The following CECR2 variants were observed in gnomAD, a reference collection of about 807,000 sequenced individuals.
CECR2 encodes CECR2 histone acetyl-lysine reader, also known as chromatin remodeling regulator CECR2.
Under a neutral mutation model 154.5 loss-of-function variants are expected in CECR2, and 30 were observed. The observed-to-expected ratio is 0.19, with a 90% CI of 0.15 to 0.26. CECR2 has a LOEUF of 0.26. Among genes scored for constraint, CECR2 ranks in the 10% least tolerant of loss-of-function variants. The pLI is 1.00. For missense variants in CECR2, 1,743 were observed against 1,829.3 expected (o/e 0.95, Z 0.86); for synonymous variants, 725 against 683.7 (o/e 1.06, Z -0.94).
intron 4 of CECR2, 56 bp downstream of exon 4, chr22:17,499,605 TA>T (rs2055698479): frequency 6.6e-7 from 1 of 1,504,226 alleles, no homozygotes; most frequent in Non-Finnish European, 8.9e-7. Context: ...TCATTAAGAT[TA>T]AATGCATCAG....
intron 1 of CECR2, among the ~76,000 whole-genome samples, chr22:17,380,770 G>A (rs189600211): frequency 1.3e-5 from 2 of 152,340 alleles, no homozygotes; most frequent in Non-Finnish European, 2.9e-5. Flanking sequence ...CCTGAGAATG[G>A]ATAAGTTCTT....
chr22:17,398,796 G>T (rs2053850556), intron 1 of CECR2, among the ~76,000 whole-genome samples: 1 of 152,178 alleles, frequency 6.6e-6, no homozygotes, highest in South Asian at 2.1e-4. Context: ...ATGTGCCAAG[G>T]ATGGTTAATA....
At chr22:17,536,233 A>G (rs1409807507) in intron 9 of CECR2, among the ~76,000 whole-genome samples, 1 of 152,164 alleles carries the variant, frequency 6.6e-6, no homozygotes, top group East Asian at 1.9e-4. Context: ...GGGCAACAAG[A>G]GCAAAACTCC....
chr22:17,509,176 A>G (rs924744886), intron 7 of CECR2, among the ~76,000 whole-genome samples: 3 of 152,166 alleles, frequency 2.0e-5, no homozygotes, highest in Admixed American at 6.6e-5. Flanking sequence ...GCTTGAACTC[A>G]GGAGGCAGAG....
intron 1 of CECR2, among the ~76,000 whole-genome samples, chr22:17,467,265 G>A (rs1033348311): frequency 6.6e-6 from 1 of 152,152 alleles, no homozygotes; most frequent in Non-Finnish European, 1.5e-5. Flanking sequence ...GTGATGATGG[G>A]CAGCATAATC....
chr22:17,506,209 A>G (rs892740094), intron 7 of CECR2, among the ~76,000 whole-genome samples: 1 of 152,054 alleles, frequency 6.6e-6, no homozygotes, highest in Non-Finnish European at 1.5e-5. Context: ...GTGCAGTCAT[A>G]GCTCACTGCA....
chr22:17,506,387 A>G (rs1180100289), intron 7 of CECR2, among the ~76,000 whole-genome samples: 1 of 152,014 alleles, frequency 6.6e-6, no homozygotes, highest in Non-Finnish European at 1.5e-5. Flanking sequence ...TTGGCCTCCC[A>G]AAGTGCTGGG....
intron 7 of CECR2, among the ~76,000 whole-genome samples, chr22:17,506,295 CT>C (rs1481288346): frequency 6.6e-6 from 1 of 151,558 alleles, no homozygotes; most frequent in African/African-American, 2.4e-5. Context: ...CCTGGCTAAT[CT>C]TTTAATTTTA....
At chr22:17,387,824 T>C (rs2146494700) in intron 1 of CECR2, among the ~76,000 whole-genome samples, 1 of 152,334 alleles carries the variant, frequency 6.6e-6, no homozygotes, top group South Asian at 2.1e-4. Context: ...TCTGTAGTTG[T>C]TTACTATCAT....
chr22:17,419,558 G>A (rs1173634120), intron 1 of CECR2: 1 of 227,902 alleles, frequency 4.4e-6, no homozygotes, highest in Admixed American at 4.6e-5. Flanking sequence ...AGGAGGAGGA[G>A]GAGGAGGAAG....
rs571664178 is a variant in CECR2, at chr22:17,483,605, GA to G, written c.221+5930del. 6.5e-3 allele frequency among the ~76,000 whole-genome samples: 993 copies of G among 151,996 alleles called. 7 individuals carry two copies. The highest frequency in any genetic ancestry group is 0.023 in the African/African-American group (949 of 41,462). On this transcript the variant is annotated intron_variant, in intron 2 of 18. Coordinates refer to ENST00000262608, the MANE Select transcript of CECR2 (RefSeq NM_001290047.2). Reference sequence around the variant, plus strand: ...TGTGGCTACAGAGCAGAAAAAAAAAGAAAAAAATATTTTTGTATAGCTCTAA... The same window carrying G: ...TGTGGCTACAGAGCAGAAAAAAAAAGAAAAAATATTTTTGTATAGCTCTAA...
Position 17,542,825 on chromosome 22 carries a change from CG to C in CECR2, c.2683del (p.Val895SerfsTer25). On this transcript the variant is annotated frameshift_variant, in exon 16 of 19. Transcript: ENST00000262608. LOFTEE classifies it high-confidence loss of function. ...TTGCGATGCAGCAGCTCTCCTCCCG[CG>C]TCTGCCCCCCAGGTGTGCCTTACCA... ...MIAMQQLSSRVCPPGVPYHPH... is the reference protein window; with the variant it reads ...MIAMQQLSSRXCPPGVPYHPH... The C allele has an allele frequency of 1.2e-6, 2 of 1,613,890 alleles. No homozygotes were observed. The highest frequency in any genetic ancestry group is 1.7e-6 in the Non-Finnish European group (2 of 1,179,830).
intron 1 of CECR2, among the ~76,000 whole-genome samples, chr22:17,471,283 TCAG>T (rs929909179): frequency 3.8e-4 from 58 of 152,286 alleles, no homozygotes; most frequent in African/African-American, 1.3e-3. Context: ...CTGTCTGTGG[TCAG>T]CTGCGAACCT....
intron 8 of CECR2, among the ~76,000 whole-genome samples, chr22:17,514,148 A>C (rs2056009472): frequency 6.6e-6 from 1 of 152,130 alleles, no homozygotes; most frequent in South Asian, 2.1e-4. Context: ...TTGAGTTGTG[A>C]CTTCTTGGGG....
At chr22:17,502,498 A>T (rs1465070754) in intron 5 of CECR2, among the ~76,000 whole-genome samples, 1 of 152,192 alleles carries the variant, frequency 6.6e-6, no homozygotes, top group Non-Finnish European at 1.5e-5. Context: ...TTTCCAAAAA[A>T]AGCTTTAAAA....
intron 1 of CECR2, among the ~76,000 whole-genome samples, chr22:17,477,352 A>T (rs1403253775): frequency 6.6e-6 from 1 of 152,174 alleles, no homozygotes; most frequent in Non-Finnish European, 1.5e-5. Context: ...ATGTGCCGGT[A>T]AGAGGAATGG....
intron 1 of CECR2, among the ~76,000 whole-genome samples, chr22:17,460,194 T>G (rs1007760936): frequency 2.6e-5 from 4 of 152,024 alleles, no homozygotes; most frequent in African/African-American, 9.7e-5. Flanking sequence ...TCTCTGAGGT[T>G]TCTTCTTTGG....
chr22:17,451,012 C>T (rs923825607), intron 1 of CECR2, among the ~76,000 whole-genome samples: 4 of 152,246 alleles, frequency 2.6e-5, no homozygotes, highest in Admixed American at 2.0e-4. Flanking sequence ...ATGAACGTGT[C>T]AGAGCCTGAC....
chr22:17,500,616 A>G lies in CECR2; in HGVS notation c.546-15A>G. 6.7e-7 allele frequency: 1 copy of G among 1,490,010 alleles called. No individual in the cohort carries two copies. The highest frequency in any genetic ancestry group is 9.1e-7 in the Non-Finnish European group (1 of 1,100,992). The allele number at this position is 1,490,010 out of a possible 1,614,324, so 92.3% of individuals were successfully genotyped here. A position where few individuals can be genotyped will look rare whatever the true frequency, so the allele number is the denominator to read the frequency against. On this transcript the variant is annotated splice_polypyrimidine_tract_variant and intron_variant, in intron 4 of 18. Transcript: ENST00000262608. The stretch of plus-strand genomic sequence containing the variant: ...ATCCTGTGCCAGAACATTTCTATTT[A>G]ATATTATTTATTAGGGAAAGTGAAG...
Sources: allele counts gnomAD v4.1 joint callset (sites outside exome capture counted in the v4.1 genomes callset), GRCh38; gene constraint gnomAD v4.1.1; transcripts MANE v1.5; gene names NCBI Gene and HGNC (gene_info 2026-07-23, HGNC 2026-07-21).